Variants in ADGRE3 observed in about 807,000 individuals in gnomAD.
ADGRE3 encodes adhesion G protein-coupled receptor E3.
In ADGRE3, 88 loss-of-function variants were observed where a neutral mutation model predicts 80.1. That is an observed-to-expected ratio of 1.10 (90% CI 0.93 to 1.31). The LOEUF (loss-of-function observed/expected upper bound fraction) is 1.31. Among genes scored for constraint, ADGRE3 ranks in the 40% most tolerant of loss-of-function variants. ADGRE3 has a pLI of 0.00. For missense variants in ADGRE3, 715 were observed against 776.5 expected (o/e 0.92, Z 0.94); for synonymous variants, 281 against 294.8 (o/e 0.95, Z 0.48).
At chr19:14,670,944 T>G (rs1972238752) in intron 1 of ADGRE3, among the ~76,000 whole-genome samples, 1 of 152,188 alleles carries the variant, frequency 6.6e-6, no homozygotes, top group Admixed American at 6.6e-5. Context: ...TTGGCATGTT[T>G]ATTGTGACAG....
intron 1 of ADGRE3, among the ~76,000 whole-genome samples, chr19:14,673,127 G>T (rs1370559755): frequency 6.6e-6 from 1 of 152,164 alleles, no homozygotes; most frequent in Non-Finnish European, 1.5e-5. Context: ...CTATGCTAGG[G>T]GTTGCAAAGG....
intron 12 of ADGRE3, 48 bp from the exon 13 acceptor site, chr19:14,633,060 T>A: frequency 6.9e-7 from 1 of 1,451,142 alleles, no homozygotes; most frequent in South Asian, 1.1e-5. Flanking sequence ...AAGTAATGTA[T>A]GGTGTCCACT....
intron 2 of ADGRE3, 34 bp from the exon 3 acceptor site, chr19:14,663,574 G>T (rs1298151251): frequency 5.0e-6 from 8 of 1,598,916 alleles, no homozygotes; most frequent in Non-Finnish European, 5.1e-6. Flanking sequence ...TAAATGGACT[G>T]GGGTCACAAA....
chr19:14,605,544 AT>A, the ADGRE3 span, among the ~76,000 whole-genome samples: 1 of 152,160 alleles, frequency 6.6e-6, no homozygotes. Context: ...ACTAACCAAT[AT>A]TTATAATCTT....
Position 14,630,094 on chromosome 19 carries a change from A to T in ADGRE3, c.1757T>A (p.Ile586Asn), listed in dbSNP as rs1318280689. The change falls in exon 14 of 16, where the codon ATC becomes AAC. Residue 586 changes from isoleucine (I) to asparagine (N), a missense_variant. By Grantham distance (149) the Ile-to-Asn change is moderately radical. Coordinates refer to ENST00000253673, the MANE Select transcript of ADGRE3 (RefSeq NM_032571.5). Reference sequence around the variant, plus strand: ...GATGAAGAAGCCTTGGAGGCTGTTGATGATGGTGAAGAGGTAGGCCATGAC... The same window carrying T: ...GATGAAGAAGCCTTGGAGGCTGTTGTTGATGGTGAAGAGGTAGGCCATGAC... ...AQVMAYLFTI[I>N]NSLQGFFIFL... is the part of the protein sequence containing the mutation. 1.2e-6 allele frequency: 2 copies of T among 1,612,346 alleles called. No homozygotes were observed. The highest frequency in any genetic ancestry group is 2.2e-5 in the South Asian group (2 of 90,928).
chr19:14,673,617 C>A (rs778580894), intron 1 of ADGRE3, among the ~76,000 whole-genome samples: 1 of 152,184 alleles, frequency 6.6e-6, no homozygotes, highest in African/African-American at 2.4e-5. Context: ...AATAACATAA[C>A]CTGTGCCCCA....
the ADGRE3 span, among the ~76,000 whole-genome samples, chr19:14,604,009 C>T: frequency 6.6e-6 from 1 of 152,178 alleles, no homozygotes; most frequent in Non-Finnish European, 1.5e-5. Flanking sequence ...CCCACTCTTC[C>T]ATCAGCAAAG....
At chr19:14,633,500 C>G (rs554127161) in intron 11 of ADGRE3, among the ~76,000 whole-genome samples, 198 bp from the exon 12 acceptor site, 1 of 151,920 alleles carries the variant, frequency 6.6e-6, no homozygotes, top group African/African-American at 2.4e-5. Context: ...AAGTCAGGAG[C>G]TTGAGACCAT....
In ADGRE3 at chr19:14,668,254, A is replaced by T. The variant is rs150744366; in HGVS notation, c.76+548T>A. ...TGACAGAGTGAGACTCTGTCTCAAA[A>T]AAAGAAGAAGAAGAAAAAAAGAGAC... is the stretch of plus-strand genomic sequence containing the variant. On this transcript the variant is annotated intron_variant, in intron 2 of 15. Coordinates refer to ENST00000253673, the MANE Select transcript of ADGRE3 (RefSeq NM_032571.5). Among the ~76,000 whole-genome samples the T allele has an allele frequency of 2.0e-4, 30 of 152,274 alleles. No individual in the cohort carries two copies. In the East Asian group the frequency reaches 5.8e-3, roughly 29 times the overall value.
At chr19:14,644,540 G>A (rs903881706) in intron 8 of ADGRE3, among the ~76,000 whole-genome samples, 2 of 151,684 alleles carry the variant, frequency 1.3e-5, no homozygotes, top group Admixed American at 6.6e-5. Context: ...GGCTGGTCTC[G>A]AACTCCTGGA....
intron 10 of ADGRE3, among the ~76,000 whole-genome samples, chr19:14,640,848 C>T (rs1971227332): frequency 6.6e-6 from 1 of 152,102 alleles, no homozygotes; most frequent in African/African-American, 2.4e-5. Flanking sequence ...TTTGGATCTT[C>T]CTCATTTTTT....
In ADGRE3 at chr19:14,633,350, G is replaced by A. The variant is rs150182348; in HGVS notation, c.1485-48C>T. ...TACAAAGAGAGATCAGAGAAAGTGC[G>A]TGAGATCAACATAAAGTGTCTCTTT... On this transcript the variant is annotated intron_variant, in intron 11 of 15. Transcript: ENST00000253673. 18 of 1,405,552 alleles carry A rather than the reference G, an allele frequency of 1.3e-5. No individual in the cohort carries two copies. In the East Asian group the frequency reaches 1.4e-4, roughly 11 times the overall value. The allele number at this position is 1,405,552 out of a possible 1,614,324, so 87.1% of individuals were successfully genotyped here. A position where few individuals can be genotyped will look rare whatever the true frequency, so the allele number is the denominator to read the frequency against.
intron 6 of ADGRE3, 127 bp from the exon 7 acceptor site, chr19:14,651,331 C>T: frequency 1.9e-6 from 2 of 1,053,872 alleles, no homozygotes; most frequent in South Asian, 1.5e-5. Context: ...AGAAGGATTG[C>T]TTGGGCCCAG....
chr19:14,669,124 C>G (rs546970448), intron 1 of ADGRE3, among the ~76,000 whole-genome samples: 65 of 152,280 alleles, frequency 4.3e-4, no homozygotes, highest in Middle Eastern at 6.8e-3. Context: ...ACATTTACAG[C>G]AGCATTATTC....
chr19:14,629,036 C>T (rs1970806866), intron 14 of ADGRE3, among the ~76,000 whole-genome samples: 1 of 151,994 alleles, frequency 6.6e-6, no homozygotes, highest in South Asian at 2.1e-4. Context: ...GATTATCCTG[C>T]CTAGCCTCCC....
intron 15 of ADGRE3, among the ~76,000 whole-genome samples, chr19:14,620,568 A>ATTTTTTTTTT (rs1189295641): frequency 2.7e-4 from 3 of 11,052 alleles, no homozygotes; most frequent in African/African-American, 4.1e-4. Flanking sequence ...ATATATATAT[A>ATTTTTTTTTT]TTTTTTTTTT....
At chr19:14,648,206 C>A (rs1331708822) in intron 7 of ADGRE3, among the ~76,000 whole-genome samples, 1 of 151,970 alleles carries the variant, frequency 6.6e-6, no homozygotes, top group East Asian at 1.9e-4. Context: ...CCTACAAAGG[C>A]TGTAGGTACG....
chr19:14,611,371 CT>C, the ADGRE3 span, among the ~76,000 whole-genome samples: 37,464 of 76,150 alleles, frequency 0.49, 7,432 homozygotes, highest in East Asian at 0.59. Context: ...AACTTCTATC[CT>C]TTTTTTTTTT....
chr19:14,625,521 T>C lies in ADGRE3; in HGVS notation c.1891A>G (p.Lys631Glu), dbSNP rs1359111638. The C allele has an allele frequency of 6.2e-7, 1 of 1,613,266 alleles. No homozygotes were observed. The highest frequency in any genetic ancestry group is 1.7e-5 in the Admixed American group (1 of 60,030). ...SESETYTLSS[K>E]MGPDSKPSEG... Reference sequence around the variant, plus strand: ...CTGGGTTTTGAGTCAGGACCCATCTTGCTGGAAAGTGTGTATGTCTCAGAC... The same window carrying C: ...CTGGGTTTTGAGTCAGGACCCATCTCGCTGGAAAGTGTGTATGTCTCAGAC... The change falls in exon 15 of 16, where the codon AAG (lysine) becomes GAG (glutamate). Residue 631 changes from lysine to glutamate, a missense_variant. Physicochemically the swap from Lys to Glu is moderately conservative, Grantham distance 56. Transcript: ENST00000253673.
Sources: allele counts gnomAD v4.1 joint callset (sites outside exome capture counted in the v4.1 genomes callset), GRCh38; gene constraint gnomAD v4.1.1; transcripts MANE v1.5; gene names NCBI Gene and HGNC (gene_info 2026-07-23, HGNC 2026-07-21).